The following INTS9 variants were observed in gnomAD, a reference collection of about 807,000 sequenced individuals.
INTS9 encodes the protein integrator complex subunit 9, also known as protein related to CPSF subunits of 74 kDa.
A neutral mutation model predicts 79.7 loss-of-function variants in INTS9; 55 were observed. The ratio of observed to expected loss-of-function variants is 0.69; its 90% CI spans 0.56 to 0.86. The LOEUF (loss-of-function observed/expected upper bound fraction) is 0.86. Among genes scored for constraint, INTS9 ranks in the 40% least tolerant of loss-of-function variants. INTS9 has a pLI of 0.00. For missense variants in INTS9, 721 were observed against 831.5 expected (o/e 0.87, Z 1.64); for synonymous variants, 319 against 325.2 (o/e 0.98, Z 0.20).
At chr8:28,788,266 C>T (rs1803727047) in intron 10 of INTS9, among the ~76,000 whole-genome samples, 1 of 152,232 alleles carries the variant, frequency 6.6e-6, no homozygotes, top group Admixed American at 6.5e-5. Flanking sequence ...TGACAATCAA[C>T]TAAACTCCAG....
chr8:28,850,845 T>C (rs1423028412), intron 2 of INTS9, among the ~76,000 whole-genome samples: 3 of 152,200 alleles, frequency 2.0e-5, no homozygotes, highest in African/African-American at 7.2e-5. Context: ...AAGCTAGTTT[T>C]CCCAAGTGTT....
intron 11 of INTS9, among the ~76,000 whole-genome samples, chr8:28,785,918 A>AT (rs1015559898): frequency 2.6e-5 from 4 of 152,106 alleles, no homozygotes; most frequent in East Asian, 1.9e-4. Flanking sequence ...ACCTTGATGG[A>AT]TTTTTTACAA....
At chr8:28,782,141 C>A (rs1400138606) in intron 11 of INTS9, among the ~76,000 whole-genome samples, 1 of 152,216 alleles carries the variant, frequency 6.6e-6, no homozygotes, top group Non-Finnish European at 1.5e-5. Context: ...ATTTGTGGAA[C>A]ACATGGGCAA....
Position 28,834,024 on chromosome 8 carries a change from G to A in INTS9, c.488+1268C>T, listed in dbSNP as rs1806658563. ...TTTACTTGATATTTCTGCAGCATCTGAGACCAGCAACAACCTGTGTTTTCT... is the reference window on the plus strand; with the variant it reads ...TTTACTTGATATTTCTGCAGCATCTAAGACCAGCAACAACCTGTGTTTTCT... On this transcript the variant is annotated intron_variant, in intron 6 of 16. Transcript: ENST00000521022. Among the ~76,000 whole-genome samples, 4 of 152,290 alleles carry A rather than the reference G, an allele frequency of 2.6e-5. No homozygotes were observed. In the South Asian group the frequency reaches 8.3e-4, roughly 32 times the overall value.
chr8:28,783,670 G>A (rs241192), intron 11 of INTS9: 117,716 of 152,166 alleles, frequency 0.77, 45,743 homozygotes, highest in Non-Finnish European at 0.8. Flanking sequence ...CACTAACACT[G>A]TCCTGGAGAT....
intron 6 of INTS9, among the ~76,000 whole-genome samples, chr8:28,833,821 CT>C (rs1333534276): frequency 2.6e-5 from 4 of 152,100 alleles, no homozygotes; most frequent in African/African-American, 9.7e-5. Flanking sequence ...CACAGGGGTA[CT>C]CTGTTGCCAA....
intron 1 of INTS9, among the ~76,000 whole-genome samples, chr8:28,887,313 G>A (rs1393752792): frequency 6.6e-6 from 1 of 152,228 alleles, no homozygotes; most frequent in Non-Finnish European, 1.5e-5. Flanking sequence ...TCCGGATGCA[G>A]AGGAAAGAAT....
intron 1 of INTS9, among the ~76,000 whole-genome samples, chr8:28,881,766 G>T (rs1339560996): frequency 6.8e-6 from 1 of 147,342 alleles, no homozygotes; most frequent in African/African-American, 2.5e-5. Flanking sequence ...GCCTCTGCCC[G>T]GCCGCCCCTA....
rs559306996 is a variant in INTS9, at chr8:28,783,142, C to CAAA, written c.1099-2151_1099-2149dup. On this transcript the variant is annotated intron_variant, in intron 11 of 16. Transcript: ENST00000521022. ...CCTGGGCGACAGTGAGACTCCGTCT[C>CAAA]AAAAAAAAAAAAAAAAAAAAAAAAA... Among the ~76,000 whole-genome samples, 52 of 111,686 alleles carry CAAA rather than the reference C, an allele frequency of 4.7e-4. 3 individuals are homozygous for CAAA. Among genetic ancestry groups the CAAA allele is most frequent in the African/African-American group, 2.0e-3 (49 of 25,106 alleles). The allele number at this position is 111,686 out of a possible 152,430, so 73.3% of individuals were successfully genotyped here. A position where few individuals can be genotyped will look rare whatever the true frequency, so the allele number is the denominator to read the frequency against.
chr8:28,770,526 C>CT (rs1178426202), intron 15 of INTS9, among the ~76,000 whole-genome samples: 2 of 152,216 alleles, frequency 1.3e-5, no homozygotes, highest in Non-Finnish European at 2.9e-5. Context: ...GTCTAATAGA[C>CT]TTTAAGTGGT....
intron 14 of INTS9, among the ~76,000 whole-genome samples, chr8:28,775,330 AGG>A (rs1563241066): frequency 6.6e-6 from 1 of 152,154 alleles, no homozygotes; most frequent in East Asian, 1.9e-4. Flanking sequence ...TACTTGGTTA[AGG>A]GTCCATGTTC....
At chr8:28,837,926 G>C (rs1806910697) in intron 4 of INTS9, 150 bp from the exon 5 acceptor site, 1 of 799,460 alleles carries the variant, frequency 1.3e-6, no homozygotes, top group African/African-American at 1.7e-5. Flanking sequence ...TCTCTCATTT[G>C]AAGAGGTTTT....
At chr8:28,870,062 CCAA>C (rs569932998) in intron 1 of INTS9, among the ~76,000 whole-genome samples, 3 of 151,994 alleles carry the variant, frequency 2.0e-5, no homozygotes, top group Non-Finnish European at 4.4e-5. Flanking sequence ...GCCTTCGGAA[CCAA>C]CATGTTTGGC....
intron 10 of INTS9, among the ~76,000 whole-genome samples, chr8:28,788,934 T>A (rs934356522): frequency 1.3e-5 from 2 of 152,162 alleles, no homozygotes; most frequent in Non-Finnish European, 2.9e-5. Context: ...GTTTGACATT[T>A]AAAAAAATAG....
At chr8:28,832,384 C>A (rs1414646042) in intron 6 of INTS9, among the ~76,000 whole-genome samples, 1 of 152,198 alleles carries the variant, frequency 6.6e-6, no homozygotes, top group African/African-American at 2.4e-5. Context: ...CACCATACAT[C>A]CCCAAACAAG....
chr8:28,880,261 CCTCTCCCTCTCCCTCTCT>C (rs1439467680), intron 1 of INTS9, among the ~76,000 whole-genome samples: 21 of 135,958 alleles, frequency 1.5e-4, no homozygotes, highest in East Asian at 8.5e-4. Flanking sequence ...TCTCCCTCTC[CCTCTCCCTCTCCCTCTCT>C]CTCCCTCCAC....
At chr8:28,797,477 T>TAC (rs1318863376) in intron 8 of INTS9, among the ~76,000 whole-genome samples, 2 of 152,136 alleles carry the variant, frequency 1.3e-5, no homozygotes, top group Non-Finnish European at 2.9e-5. Context: ...CTAGATGACT[T>TAC]CAGTAAGTCT....
At chr8:28,801,520 A>T (rs1317484484) in intron 8 of INTS9, among the ~76,000 whole-genome samples, 1 of 152,046 alleles carries the variant, frequency 6.6e-6, no homozygotes, top group Non-Finnish European at 1.5e-5. Context: ...AAAACAAAAA[A>T]AACCCAAAAA....
chr8:28,777,128 T>C (rs550057896), intron 13 of INTS9, among the ~76,000 whole-genome samples: 5 of 152,252 alleles, frequency 3.3e-5, no homozygotes, highest in Admixed American at 6.5e-5. Flanking sequence ...GCCTCTCTCA[T>C]CCTGAGGTTG....
Sources: gnomAD v4.1 joint callset for allele counts (sites outside exome capture counted in the v4.1 genomes callset) on GRCh38, gnomAD v4.1.1 for gene constraint, MANE v1.5 for transcripts, NCBI Gene and HGNC (gene_info 2026-07-23, HGNC 2026-07-21) for gene names.